Variants in DOP1B observed in about 807,000 individuals in gnomAD.
The protein encoded by DOP1B is protein DOP1B.
DOP1B carries 174 observed loss-of-function variants against 233.5 expected under a neutral mutation model. The ratio of observed to expected loss-of-function variants is 0.75; its 90% CI spans 0.66 to 0.85. DOP1B has a LOEUF of 0.85. Among genes scored for constraint, DOP1B ranks in the 40% least tolerant of loss-of-function variants. DOP1B has a pLI of 0.00. For synonymous variants in DOP1B, 1,190 were observed against 1,185.6 expected (o/e 1.00, Z -0.08); for missense variants, 2,652 against 2,846.6 (o/e 0.93, Z 1.56).
chr21:36,268,594 A>C (rs1422258780), intron 26 of DOP1B, among the ~76,000 whole-genome samples: 6 of 152,242 alleles, frequency 3.9e-5, no homozygotes, highest in African/African-American at 1.2e-4. Flanking sequence ...CAAAAGTATT[A>C]TTTGGGAACT....
chr21:36,281,532 C>T lies in DOP1B; in HGVS notation c.6081C>T (p.Ala2027=), dbSNP rs2067415967. 1.9e-6 allele frequency: 3 copies of T among 1,610,144 alleles called. No homozygotes were observed. Among genetic ancestry groups the T allele is most frequent in the Non-Finnish European group, 2.5e-6 (3 of 1,176,706 alleles). ...TATTCTCAAGTTTTGAACAGAAAGC[C>T]ATGCTGTTAAAGCGCCAGGCTTTTG... is the stretch of plus-strand genomic sequence containing the variant. ...LKLFSSFEQK[A]MLLKRQAFAV... The change falls in exon 32 of 37, where the codon GCC becomes GCT. Residue 2027 remains alanine (A), a synonymous_variant. Transcript: ENST00000691173.
At chr21:36,268,942 A>G (rs1311812466) in intron 26 of DOP1B, among the ~76,000 whole-genome samples, 1 of 152,166 alleles carries the variant, frequency 6.6e-6, no homozygotes, top group African/African-American at 2.4e-5. Context: ...TGCTGGGATT[A>G]CAGGCGTGAG....
intron 26 of DOP1B, among the ~76,000 whole-genome samples, chr21:36,265,732 G>A (rs1310424806): frequency 2.0e-5 from 3 of 152,130 alleles, no homozygotes; most frequent in Non-Finnish European, 4.4e-5. Flanking sequence ...TGGCCTCCCC[G>A]CCACTAATTC....
intron 2 of DOP1B, chr21:36,170,705 G>C (rs903152573): frequency 6.6e-6 from 1 of 151,676 alleles, no homozygotes; most frequent in Non-Finnish European, 1.5e-5. Context: ...TGAAGTAGGA[G>C]GATCGCTTGA....
At chr21:36,211,020 C>A (rs2066490927) in intron 5 of DOP1B, among the ~76,000 whole-genome samples, 1 of 152,180 alleles carries the variant, frequency 6.6e-6, no homozygotes, top group Non-Finnish European at 1.5e-5. Flanking sequence ...GCATTCCTGC[C>A]CTTCTTCGAG....
In DOP1B at chr21:36,293,472, A is replaced by G. The variant is rs1169517214; in HGVS notation, c.6798A>G (p.Gly2266=). 6.2e-7 allele frequency: 1 copy of G among 1,614,200 alleles called. No homozygotes were observed. Among genetic ancestry groups the G allele is most frequent in the Non-Finnish European group, 8.5e-7 (1 of 1,180,034 alleles). The change falls in exon 37 of 37, where the codon GGA becomes GGG. Residue 2266 remains glycine (G), a synonymous_variant. Coordinates refer to ENST00000691173, the MANE Select transcript of DOP1B (RefSeq NM_001320714.2). The stretch of plus-strand genomic sequence containing the variant: ...GACAGCTGCCTGCTGATAGCCCAGG[A>G]ACTCCATTCTTGGACTTTCCTGTCA... ...TQRQLPADSP[G]TPFLDFPVTD...
intron 13 of DOP1B, among the ~76,000 whole-genome samples, chr21:36,228,459 C>CA (rs888475899): frequency 2.3e-4 from 34 of 146,354 alleles, no homozygotes; most frequent in East Asian, 2.2e-3. Flanking sequence ...GACTCCGTTT[C>CA]AAAAAAAAAA....
At position 36,277,738 on chromosome 21, in the gene DOP1B, T is replaced by C. The variant is rs560306785; in HGVS notation, c.5713-237T>C. On this transcript the variant is annotated intron_variant, in intron 28 of 36. Coordinates refer to ENST00000691173, the MANE Select transcript of DOP1B (RefSeq NM_001320714.2). Reference sequence around the variant, plus strand: ...GGCGTGATCTCGGCTCACTGCAACCTCTGCCTCCTGGGTTCAAGCAGTTCT... The same window carrying C: ...GGCGTGATCTCGGCTCACTGCAACCCCTGCCTCCTGGGTTCAAGCAGTTCT... Among the ~76,000 whole-genome samples the C allele has an allele frequency of 2.1e-3, 316 of 151,882 alleles. 2 individuals are homozygous for C. The highest frequency in any genetic ancestry group is 7.0e-3 in the African/African-American group (291 of 41,412).
In DOP1B at chr21:36,246,153, G is replaced by A. The variant is rs771440302; in HGVS notation, c.4173G>A (p.Leu1391=). ...TTCAGGAGTTTGTCCTGCTCTCCCT[G>A]TCGGCGTCCATGTACACGAGCCAGA... is the stretch of plus-strand genomic sequence containing the variant. ...CKVQEFVLLS[L]SASMYTSQKR... is the part of the protein sequence containing the mutation. Residue 1391 remains leucine (L), a synonymous_variant, in exon 19 of 37, where the codon CTG becomes CTA. Transcript: ENST00000691173. This position sits in a 1 kb window ranked among gnomAD's most constrained non-coding sequence, Gnocchi z 5.1. The A allele has an allele frequency of 3.5e-5, 57 of 1,613,690 alleles. No individual in the cohort carries two copies. The Admixed American group carries it at 5.5e-4, about 16-fold the overall frequency.
intron 23 of DOP1B, among the ~76,000 whole-genome samples, chr21:36,256,524 A>G (rs1266517714): frequency 1.3e-5 from 2 of 152,250 alleles, no homozygotes; most frequent in South Asian, 4.1e-4. Context: ...ACCGATGTTC[A>G]TAGCAGCATT....
At chr21:36,169,447 G>A (rs554810867) in intron 2 of DOP1B, 2 of 1,058,556 alleles carry the variant, frequency 1.9e-6, no homozygotes, top group South Asian at 1.3e-5. Context: ...ACAGGCCTCG[G>A]TGGGTCTTGT....
chr21:36,229,661 CTTT>C (rs373779563), intron 13 of DOP1B, among the ~76,000 whole-genome samples: 1 of 127,670 alleles, frequency 7.8e-6, no homozygotes. Flanking sequence ...CTTGCTTTAC[CTTT>C]TTTTTTTTTT....
At chr21:36,159,555 A>G (rs1415048750) in intron 1 of DOP1B, among the ~76,000 whole-genome samples, 1 of 152,226 alleles carries the variant, frequency 6.6e-6, no homozygotes, top group Non-Finnish European at 1.5e-5. Flanking sequence ...TTTCGAAATA[A>G]AGGAGCTTGC....
chr21:36,235,521 C>T (rs756824136), intron 15 of DOP1B, among the ~76,000 whole-genome samples: 15 of 151,150 alleles, frequency 9.9e-5, no homozygotes, highest in African/African-American at 1.5e-4. Flanking sequence ...CTCAGGAGTT[C>T]GAGACCAGTC....
At chr21:36,238,834 G>A in intron 17 of DOP1B, 133 bp downstream of exon 17, 1 of 832,160 alleles carries the variant, frequency 1.2e-6, no homozygotes, top group Non-Finnish European at 1.9e-6. Flanking sequence ...CGGGTGTGGT[G>A]GCTCACGCCT....
rs1458122790 is a variant in DOP1B at position 36,169,542 on chromosome 21, C to G, written c.138+4671C>G. 41 of 1,120,868 alleles carry G rather than the reference C, an allele frequency of 3.7e-5. 1 individual carries two copies. The South Asian group carries it at 4.6e-4, about 12-fold the overall frequency. The allele number at this position is 1,120,868 out of a possible 1,614,324, so 69.4% of individuals were successfully genotyped here. A position where few individuals can be genotyped will look rare whatever the true frequency, so the allele number is the denominator to read the frequency against. On this transcript the variant is annotated intron_variant, in intron 2 of 36. Transcript: ENST00000691173. Reference sequence around the variant, plus strand: ...ACCCCGATGATGTCGATCATCTCGTCCAGCCCAAACGCTTGGTTCACAGGT... The same window carrying G: ...ACCCCGATGATGTCGATCATCTCGTGCAGCCCAAACGCTTGGTTCACAGGT...
chr21:36,291,726 T>C (rs575924995), intron 35 of DOP1B, among the ~76,000 whole-genome samples: 2 of 152,234 alleles, frequency 1.3e-5, no homozygotes, highest in South Asian at 2.1e-4. Context: ...ATTGAAGAAC[T>C]GAGACACGCT....
chr21:36,207,879 A>G (rs2123487028), intron 4 of DOP1B, among the ~76,000 whole-genome samples: 1 of 152,292 alleles, frequency 6.6e-6, no homozygotes, highest in African/African-American at 2.4e-5. Context: ...GATTGTGTGC[A>G]CTGAGGACAG....
At chr21:36,189,052 GA>G (rs2066199410) in intron 2 of DOP1B, among the ~76,000 whole-genome samples, 2 of 152,160 alleles carry the variant, frequency 1.3e-5, no homozygotes, top group Admixed American at 1.3e-4. Flanking sequence ...TAGCCTTTTG[GA>G]ATTTTTCATC....
Sources: allele counts gnomAD v4.1 joint callset (sites outside exome capture counted in the v4.1 genomes callset), GRCh38; gene constraint gnomAD v4.1.1; non-coding constraint Gnocchi (gnomAD v3.1); transcripts MANE v1.5; gene names NCBI Gene and HGNC (gene_info 2026-07-23, HGNC 2026-07-21).